EDIL3: variants seen among roughly 807,000 people sequenced by gnomAD.
EDIL3 encodes EGF-like repeat and discoidin I-like domain-containing protein 3.
A neutral mutation model predicts 67.4 loss-of-function variants in EDIL3; 37 were observed. That is an observed-to-expected ratio of 0.55 (90% confidence interval 0.42 to 0.72). EDIL3 has a LOEUF of 0.72. EDIL3 is among the 30% of genes least tolerant of loss of function. The probability of loss-of-function intolerance (pLI) is 0.00; values close to 1 mark genes in which losing one functional copy is unlikely to be tolerated. For missense variants in EDIL3, 527 were observed against 586.3 expected (o/e 0.90, Z 1.04); for synonymous variants, 195 against 196.3 (o/e 0.99, Z 0.05).
chr5:83,944,090 A>T (rs901770877), intron 10 of EDIL3, among the ~76,000 whole-genome samples: 1 of 152,096 alleles, frequency 6.6e-6, no homozygotes, highest in African/African-American at 2.4e-5. Context: ...ACCTTACCTA[A>T]TTATATGACT....
At chr5:83,971,054 T>G in intron 9 of EDIL3, among the ~76,000 whole-genome samples, 1 of 151,642 alleles carries the variant, frequency 6.6e-6, no homozygotes, top group East Asian at 1.9e-4. Flanking sequence ...TCCTTTTCAT[T>G]TATTTATTAT....
At chr5:84,229,155 G>C (rs368279395) in intron 3 of EDIL3, among the ~76,000 whole-genome samples, 1 of 151,940 alleles carries the variant, frequency 6.6e-6, no homozygotes, top group South Asian at 2.1e-4. Flanking sequence ...AATTGTGTCT[G>C]GTCTTTAGTC....
At chr5:84,082,316 T>C (rs1252241868) in intron 6 of EDIL3, among the ~76,000 whole-genome samples, 1 of 152,166 alleles carries the variant, frequency 6.6e-6, no homozygotes, top group African/African-American at 2.4e-5. Flanking sequence ...AAATAAAAAG[T>C]TAAAAGGTAC....
At chr5:84,017,105 TCAATG>T (rs1745620984) in intron 9 of EDIL3, among the ~76,000 whole-genome samples, 3 of 152,324 alleles carry the variant, frequency 2.0e-5, no homozygotes, top group African/African-American at 4.8e-5. Context: ...TTAATGAAGA[TCAATG>T]CAGAAAGTGC....
rs1429200132 is a variant in EDIL3 at position 84,211,204 on chromosome 5, A to AGATC, written c.226+18647_226+18650dup. 1.0e-3 allele frequency among the ~76,000 whole-genome samples: 159 copies of AGATC among 152,326 alleles called. 1 individual carries two copies. The highest frequency in any genetic ancestry group is 1.8e-4 in the Non-Finnish European group (12 of 68,032). ...TGGAAGGTGTCTGGGATGTGGAAGC[A>AGATC]GATCCCTCATGAACAGCTTGGTGTG... On this transcript the variant is annotated intron_variant, in intron 3 of 10. Transcript: ENST00000296591.
At chr5:84,335,005 T>C (rs1448246079) in intron 1 of EDIL3, among the ~76,000 whole-genome samples, 1 of 152,206 alleles carries the variant, frequency 6.6e-6, no homozygotes, top group African/African-American at 2.4e-5. Context: ...ATTTTCCTTA[T>C]AATTCCAAAT....
intron 1 of EDIL3, among the ~76,000 whole-genome samples, chr5:84,279,570 A>G (rs1745653770): frequency 6.6e-6 from 1 of 152,164 alleles, no homozygotes. Context: ...AGACAAAGCT[A>G]TTATTTACTT....
chr5:84,264,965 C>A (rs1467558309), intron 1 of EDIL3, among the ~76,000 whole-genome samples: 1 of 152,106 alleles, frequency 6.6e-6, no homozygotes, highest in African/African-American at 2.4e-5. Context: ...TAAATCTGGT[C>A]AGTCACATAT....
At chr5:84,269,382 T>A (rs762596687) in intron 1 of EDIL3, among the ~76,000 whole-genome samples, 1 of 151,778 alleles carries the variant, frequency 6.6e-6, no homozygotes, top group South Asian at 2.1e-4. Context: ...CTTTTACTTG[T>A]ACAGGAAATA....
At chr5:84,002,708 TG>T (rs1248567718) in intron 9 of EDIL3, among the ~76,000 whole-genome samples, 4 of 152,206 alleles carry the variant, frequency 2.6e-5, no homozygotes, top group Non-Finnish European at 4.4e-5. Flanking sequence ...AATAAAATCC[TG>T]GATGGAATTC....
At chr5:84,204,457 T>C (rs550441726) in intron 3 of EDIL3, among the ~76,000 whole-genome samples, 87 of 152,356 alleles carry the variant, frequency 5.7e-4, no homozygotes, top group African/African-American at 1.9e-3. Flanking sequence ...TTTTATAATA[T>C]AGTTCCATGT....
chr5:84,075,483 C>CTTCTTCTTCTTCTTCTTCTTA (rs751286945), intron 6 of EDIL3, among the ~76,000 whole-genome samples: 3 of 150,974 alleles, frequency 2.0e-5, no homozygotes, highest in African/African-American at 7.3e-5. Context: ...TCTTCTTCTT[C>CTTCTTCTTCTTCTTCTTCTTA]TTATTATTTT....
intron 6 of EDIL3, among the ~76,000 whole-genome samples, chr5:84,080,679 G>GT (rs1746950282): frequency 6.6e-6 from 1 of 152,090 alleles, no homozygotes; most frequent in Admixed American, 6.5e-5. Context: ...AAAAGGCATA[G>GT]TACTAAAGAG....
chr5:84,350,437 T>C (rs1032220783), intron 1 of EDIL3, among the ~76,000 whole-genome samples: 5 of 152,036 alleles, frequency 3.3e-5, no homozygotes, highest in Admixed American at 6.6e-5. Flanking sequence ...TGAGCACCAG[T>C]AGCATGGTTT....
chr5:84,029,474 A>G (rs1745879030), intron 9 of EDIL3, among the ~76,000 whole-genome samples: 1 of 152,176 alleles, frequency 6.6e-6, no homozygotes, highest in Non-Finnish European at 1.5e-5. Context: ...AGTGTGAAAA[A>G]GAACTAATAC....
chr5:84,188,602 C>A (rs1743516210), intron 3 of EDIL3, among the ~76,000 whole-genome samples: 1 of 150,882 alleles, frequency 6.6e-6, no homozygotes, highest in Admixed American at 6.6e-5. Flanking sequence ...ATCTTCAGGA[C>A]CTCGGAATGT....
At chr5:84,371,359 A>ATGTGTG (rs1561271584) in intron 1 of EDIL3, among the ~76,000 whole-genome samples, 42 of 129,780 alleles carry the variant, frequency 3.2e-4, no homozygotes, top group Admixed American at 8.8e-4. Context: ...GTGTATATAT[A>ATGTGTG]TGTGTGTATA....
chr5:84,303,286 A>C (rs1384432285), intron 1 of EDIL3, among the ~76,000 whole-genome samples: 1 of 152,216 alleles, frequency 6.6e-6, no homozygotes, highest in African/African-American at 2.4e-5. Context: ...CTGGCTTCAC[A>C]GTCATGACAT....
intron 9 of EDIL3, among the ~76,000 whole-genome samples, chr5:83,973,086 G>C (rs1167438271): frequency 6.6e-6 from 1 of 152,022 alleles, no homozygotes; most frequent in East Asian, 1.9e-4. Flanking sequence ...CTGGATTACT[G>C]AAAGTGACTT....
Sources: allele counts gnomAD v4.1 joint callset (sites outside exome capture counted in the v4.1 genomes callset), GRCh38; gene constraint gnomAD v4.1.1; transcripts MANE v1.5; gene names NCBI Gene and HGNC (gene_info 2026-07-23, HGNC 2026-07-21).